Variants in ACOT1 observed in about 807,000 individuals in gnomAD.
ACOT1 encodes the protein acyl-CoA thioesterase 1, also known as acyl-coenzyme A thioesterase 1.
A neutral mutation model predicts 15.7 loss-of-function variants in ACOT1; 8 were observed. The ratio of observed to expected loss-of-function variants is 0.51; its 90% CI spans 0.30 to 0.92. The LOEUF (loss-of-function observed/expected upper bound fraction) is 0.92, where lower values mean the gene tolerates loss of function less well. Ranked by LOEUF, ACOT1 falls within the 40% of genes least tolerant of loss-of-function variation. The pLI, the probability that ACOT1 is intolerant of heterozygous loss-of-function variation, is 0.06. For missense variants in ACOT1, 151 were observed against 539.4 expected, an observed-to-expected ratio of 0.28 and a Z score of 7.13; for synonymous variants, 67 against 241.2, an observed-to-expected ratio of 0.28 and a Z score of 6.69.
At chr14:73,499,140 C>T in the ACOT1 span, 2 of 1,614,008 alleles carry the variant, frequency 1.2e-6, no homozygotes, top group Admixed American at 1.7e-5. Flanking sequence ...CATTCAAGCA[C>T]CTGGGATGGA....
chr14:73,492,930 T>C, the ACOT1 span: 3 of 1,612,838 alleles, frequency 1.9e-6, no homozygotes, highest in East Asian at 2.2e-5. This position sits in a 1 kb window ranked among gnomAD's most constrained non-coding sequence, Gnocchi z 4.9. Context: ...AAGATGCCTC[T>C]AGCCCTAAAT....
At chr14:73,509,440 A>T in the ACOT1 span, 1 of 1,614,148 alleles carries the variant, frequency 6.2e-7, no homozygotes, top group Non-Finnish European at 8.5e-7. Context: ...TAGGGCAGGC[A>T]GTAGAACCTC....
chr14:73,501,566 TCTC>T, the ACOT1 span, among the ~76,000 whole-genome samples: 2 of 138,810 alleles, frequency 1.4e-5, no homozygotes, highest in African/African-American at 2.7e-5. Context: ...GCAGTCTCTC[TCTC>T]TTTTTTTTTT....
At chr14:73,493,070 A>G in the ACOT1 span, 5 of 1,593,894 alleles carry the variant, frequency 3.1e-6, no homozygotes, top group Non-Finnish European at 4.2e-6. Flanking sequence ...ATTTACCTTT[A>G]TCACTGCTTC....
the ACOT1 span, chr14:73,500,567 G>T: frequency 6.2e-7 from 1 of 1,613,226 alleles, no homozygotes; most frequent in Non-Finnish European, 8.5e-7. Context: ...TCGCGGATCT[G>T]CAGGGCACCA....
At chr14:73,500,196 C>T in the ACOT1 span, among the ~76,000 whole-genome samples, 3 of 151,944 alleles carry the variant, frequency 2.0e-5, no homozygotes, top group African/African-American at 4.8e-5. Flanking sequence ...CGCCACTGCA[C>T]TCCAGCTTGG....
the ACOT1 span, chr14:73,493,255 G>C: frequency 7.1e-6 from 5 of 708,058 alleles, no homozygotes; most frequent in African/African-American, 9.0e-5. Context: ...CGTTCTGCTT[G>C]AGACAGATAT....
At chr14:73,518,470 C>A in the ACOT1 span, among the ~76,000 whole-genome samples, 2 of 152,152 alleles carry the variant, frequency 1.3e-5, no homozygotes, top group South Asian at 4.2e-4. Flanking sequence ...ACCACTGGGC[C>A]CATCTGAACA....
At chr14:73,501,263 C>T in the ACOT1 span, among the ~76,000 whole-genome samples, 1 of 152,048 alleles carries the variant, frequency 6.6e-6, no homozygotes, top group Admixed American at 6.6e-5. Context: ...GGACTATAGG[C>T]GCCCACCACC....
the ACOT1 span, chr14:73,496,749 T>A: frequency 1.2e-6 from 1 of 857,544 alleles, no homozygotes; most frequent in East Asian, 2.4e-5. Context: ...GTAGAAAATA[T>A]AGGACTTGGA....
chr14:73,526,894 G>A, the ACOT1 span, among the ~76,000 whole-genome samples: 1 of 152,040 alleles, frequency 6.6e-6, no homozygotes, highest in African/African-American at 2.4e-5. Context: ...GGCCATGGGA[G>A]TGCTCATGTC....
the ACOT1 span, chr14:73,509,426 C>T: frequency 3.6e-5 from 58 of 1,613,970 alleles, no homozygotes; most frequent in South Asian, 2.3e-4. Flanking sequence ...CAAAGAGCAG[C>T]CTCTAGGGCA....
At chr14:73,525,611 G>A in the ACOT1 span, among the ~76,000 whole-genome samples, 3 of 152,114 alleles carry the variant, frequency 2.0e-5, no homozygotes, top group Non-Finnish European at 2.9e-5. Flanking sequence ...CCCCTCCAGC[G>A]ATTGTCTCCA....
the ACOT1 span, chr14:73,491,387 C>A: frequency 1.5e-6 from 2 of 1,352,106 alleles, no homozygotes; most frequent in South Asian, 1.9e-5. Flanking sequence ...GCGCCTGGTG[C>A]CCGCTTCCGC....
chr14:73,494,233 T>C, the ACOT1 span, among the ~76,000 whole-genome samples: 1 of 152,212 alleles, frequency 6.6e-6, no homozygotes, highest in Non-Finnish European at 1.5e-5. Context: ...GAAAGAGCAC[T>C]GGACTTGGAA....
chr14:73,493,457 G>T, the ACOT1 span: 1 of 257,600 alleles, frequency 3.9e-6, no homozygotes, highest in Admixed American at 5.1e-5. Context: ...GCGGGAGGAA[G>T]ATAGGGAAAA....
At chr14:73,534,202 A>G (rs1463747979), upstream of ACOT1, among the ~76,000 whole-genome samples, 2 of 112,242 alleles carry the variant, frequency 1.8e-5, no homozygotes, top group African/African-American at 5.8e-5. Context: ...AACATGGTGA[A>G]ACCTCGTCTT....
At chr14:73,495,061 C>A in the ACOT1 span, among the ~76,000 whole-genome samples, 1 of 149,402 alleles carries the variant, frequency 6.7e-6, no homozygotes. Context: ...AACAAACAAA[C>A]AAAAAAAAAA....
chr14:73,533,611 G>A (rs138912901), upstream of ACOT1, among the ~76,000 whole-genome samples: 1,104 of 114,608 alleles, frequency 9.6e-3, 394 homozygotes, highest in East Asian at 0.24. Context: ...CCCAGGAGAC[G>A]GAGGTTTCAG....
Sources: gnomAD v4.1 joint callset for allele counts (sites outside exome capture counted in the v4.1 genomes callset) on GRCh38, gnomAD v4.1.1 for gene constraint, Gnocchi (gnomAD v3.1) non-coding constraint, MANE v1.5 for transcripts, NCBI Gene and HGNC (gene_info 2026-07-23, HGNC 2026-07-21) for gene names.